USP7: variants seen among roughly 807,000 people sequenced by gnomAD.
The protein encoded by USP7 is ubiquitin C-terminal hydrolase 7.
In USP7, 9 loss-of-function variants were observed where a neutral mutation model predicts 162.9. The observed-to-expected ratio is 0.06, with a 90% CI of 0.03 to 0.10. The LOEUF (loss-of-function observed/expected upper bound fraction) is 0.10. Among genes scored for constraint, USP7 ranks in the 10% least tolerant of loss-of-function variants. The pLI, the probability that USP7 is intolerant of heterozygous loss-of-function variation, is 1.00. For missense variants in USP7, 715 were observed against 1,373.7 expected (o/e 0.52, Z 7.58); for synonymous variants, 562 against 475.9 (o/e 1.18, Z -2.35).
intron 1 of USP7, among the ~76,000 whole-genome samples, chr16:8,941,981 A>G (rs1193465200): frequency 6.6e-6 from 1 of 152,218 alleles, no homozygotes; most frequent in African/African-American, 2.4e-5. Context: ...CTTAGTCATG[A>G]AGGAGGAGAC....
chr16:8,901,426 T>C (rs1042558617), intron 18 of USP7, among the ~76,000 whole-genome samples, 192 bp from the exon 19 acceptor site: 4 of 152,150 alleles, frequency 2.6e-5, no homozygotes, highest in Middle Eastern at 3.2e-3. Context: ...CTGAGGCTAT[T>C]ACCGCTGAGT....
At chr16:8,948,009 G>A (rs544894095) in intron 1 of USP7, among the ~76,000 whole-genome samples, 48 of 152,232 alleles carry the variant, frequency 3.2e-4, no homozygotes, top group South Asian at 2.9e-3. Context: ...ACTTTGGAGC[G>A]CAGCACTGCC....
At chr16:8,920,245 CAG>C (rs1897614654) in intron 5 of USP7, 112 bp downstream of exon 5, 2 of 891,876 alleles carry the variant, frequency 2.2e-6, no homozygotes, top group Non-Finnish European at 3.5e-6. Context: ...AGGGCAAGCG[CAG>C]AGAGGAGGCT....
intron 3 of USP7, among the ~76,000 whole-genome samples, chr16:8,921,787 A>G (rs926715683): frequency 5.9e-5 from 9 of 152,190 alleles, no homozygotes; most frequent in African/African-American, 2.2e-4. Flanking sequence ...TACAACCACA[A>G]GAGAACTACT....
chr16:8,917,479 G>C (rs573818434), intron 6 of USP7, among the ~76,000 whole-genome samples: 5 of 152,200 alleles, frequency 3.3e-5, no homozygotes, highest in East Asian at 1.9e-4. Flanking sequence ...CCTGGGTTCA[G>C]GCAATTCTCC....
Position 8,963,109 on chromosome 16 carries a change from G to A in USP7, c.79+98C>T, listed in dbSNP as rs1366639373. On this transcript the variant is annotated intron_variant, in intron 1 of 30. Transcript: ENST00000344836. The stretch of plus-strand genomic sequence containing the variant: ...GAGGCCCGGCGGCCGCCCGGGGCCT[G>A]GTTAAAGATGGCGAGCCCCTCGCGT... The A allele has an allele frequency of 1.0e-5, 12 of 1,145,630 alleles. No individual in the cohort carries two copies. The African/African-American group carries it at 1.3e-4, about 13-fold the overall frequency. The allele number at this position is 1,145,630 out of a possible 1,614,324, so 71.0% of individuals were successfully genotyped here. A position where few individuals can be genotyped will look rare whatever the true frequency, so the allele number is the denominator to read the frequency against.
Position 8,920,383 on chromosome 16 carries a change from T to A in USP7, c.587A>T (p.Gln196Leu). The change falls in exon 5 of 31, where the codon CAG becomes CTG. Residue 196 changes from glutamine to leucine, a missense_variant. Around this residue, in one of 11 missense-constraint regions of USP7, gnomAD observed 30 missense variants for 27.6 expected, o/e 1.09. Transcript: ENST00000344836. ...CGCAACTCCATGGGGAGCATCCGCC[T>A]GTACAAAGACTTCAAAGGTAACTTT... The part of the protein sequence containing the change: ...DDKVTFEVFV[Q>L]ADAPHGVAWD... The A allele has an allele frequency of 6.2e-7, 1 of 1,613,184 alleles. No individual in the cohort carries two copies. Among genetic ancestry groups the A allele is most frequent in the Non-Finnish European group, 8.5e-7 (1 of 1,179,784 alleles).
intron 11 of USP7, 28 bp from the exon 12 acceptor site, chr16:8,908,478 T>C (rs1357961748): frequency 4.4e-6 from 7 of 1,583,146 alleles, no homozygotes; most frequent in Non-Finnish European, 6.0e-6. Flanking sequence ...AATGCAAATG[T>C]AGTTAGCCTC....
chr16:8,948,925 C>G (rs763936930), intron 1 of USP7, among the ~76,000 whole-genome samples: 2 of 151,922 alleles, frequency 1.3e-5, no homozygotes, highest in African/African-American at 4.8e-5. Flanking sequence ...GATCAAACCA[C>G]GGCACTCCAG....
chr16:8,903,544 C>A, intron 15 of USP7, 142 bp from the exon 16 acceptor site: 1 of 1,128,990 alleles, frequency 8.9e-7, no homozygotes, highest in South Asian at 1.8e-5. Context: ...GAAGAAAAAC[C>A]GCATAAAATG....
chr16:8,920,549 A>G, intron 4 of USP7, 102 bp from the exon 5 acceptor site: 1 of 973,712 alleles, frequency 1.0e-6, no homozygotes. Flanking sequence ...AGATGAAAAT[A>G]CTTTTTTTTT....
At chr16:8,921,002 C>T (rs1296492718) in intron 4 of USP7, among the ~76,000 whole-genome samples, 155 bp downstream of exon 4, 1 of 152,106 alleles carries the variant, frequency 6.6e-6, no homozygotes, top group Non-Finnish European at 1.5e-5. Flanking sequence ...ACGTAAGATA[C>T]GAAACTGGAG....
chr16:8,897,057 G>C lies in USP7; in HGVS notation c.2761C>G (p.Leu921Val). ...YPDKHGCVRD[L>V]LEECKKAVEL... ...ACGGCCTTTTTACATTCTTCTAACA[G>C]GTCCCGGACACACCCATGCTTGTCT... Residue 921 changes from leucine to valine, a missense_variant, in exon 26 of 31, where the codon CTG becomes GTG. Around this residue, in one of 11 missense-constraint regions of USP7, gnomAD observed 222 missense variants for 441.7 expected, o/e 0.50. Transcript: ENST00000344836. The C allele has an allele frequency of 6.2e-7, 1 of 1,614,098 alleles. No individual in the cohort carries two copies. The highest frequency in any genetic ancestry group is 8.5e-7 in the Non-Finnish European group (1 of 1,179,984).
At chr16:8,961,068 C>T (rs997995645) in intron 1 of USP7, among the ~76,000 whole-genome samples, 5 of 152,158 alleles carry the variant, frequency 3.3e-5, no homozygotes, top group Non-Finnish European at 7.3e-5. Context: ...ATTAACTGTC[C>T]TAGGGGTTAC....
intron 4 of USP7, 36 bp downstream of exon 4, chr16:8,921,121 G>T (rs370762714): frequency 1.2e-5 from 19 of 1,605,858 alleles, no homozygotes; most frequent in Non-Finnish European, 1.5e-5. Flanking sequence ...AAGCAGTAAT[G>T]CACCAATTGT....
In USP7 at chr16:8,910,948, A is replaced by C. The variant is rs542842866; in HGVS notation, c.1079-121T>G. 30 of 794,684 alleles carry C rather than the reference A, an allele frequency of 3.8e-5. No homozygotes were observed. The African/African-American group carries it at 5.0e-4, about 13-fold the overall frequency. 49.2% of individuals were successfully genotyped at this position (794,684 alleles called of 1,614,324 possible). A position where few individuals can be genotyped will look rare whatever the true frequency, so the allele number is the denominator to read the frequency against. ...AGCAGAGAAGGTAAACAACACTAAC[A>C]GTAACTCTCCCCCTGTAGCCAAGAC... On this transcript the variant is annotated intron_variant, in intron 10 of 30. Transcript: ENST00000344836.
chr16:8,961,790 A>G (rs560095777), intron 1 of USP7, among the ~76,000 whole-genome samples: 39 of 152,346 alleles, frequency 2.6e-4, no homozygotes, highest in African/African-American at 9.1e-4. Flanking sequence ...AAATTCCCTC[A>G]GTAAAGTACT....
intron 1 of USP7, among the ~76,000 whole-genome samples, chr16:8,953,540 C>T (rs1057493632): frequency 3.0e-5 from 4 of 131,840 alleles, no homozygotes; most frequent in Admixed American, 7.3e-5. Flanking sequence ...AGGGAAGACA[C>T]GTGCCCCATG....
rs1281679205 is a variant in USP7, at chr16:8,963,190, C to CTG, written c.79+16_79+17insCA. On this transcript the variant is annotated intron_variant, in intron 1 of 30. Transcript: ENST00000344836. The stretch of plus-strand genomic sequence containing the variant: ...AGGCGCCCCCCGGCCCCGCCGCGGC[C>CTG]GGCCCTCGGGCCTCACCTTCCATCT... 7.1e-7 allele frequency: 1 copy of CTG among 1,404,642 alleles called. No homozygotes were observed. The highest frequency in any genetic ancestry group is 3.5e-5 in the East Asian group (1 of 28,528). 87.0% of individuals were successfully genotyped at this position (1,404,642 alleles called of 1,614,324 possible). A position where few individuals can be genotyped will look rare whatever the true frequency, so the allele number is the denominator to read the frequency against.
Sources: allele counts gnomAD v4.1 joint callset (sites outside exome capture counted in the v4.1 genomes callset), GRCh38; gene constraint gnomAD v4.1.1; regional missense constraint gnomAD v4.1.1; transcripts MANE v1.5; gene names NCBI Gene and HGNC (gene_info 2026-07-23, HGNC 2026-07-21).